SPIRE2: variants seen among roughly 807,000 people sequenced by gnomAD.
SPIRE2 encodes the protein spire type actin nucleation factor 2, also known as protein spire homolog 2.
Under a neutral mutation model 80.7 loss-of-function variants are expected in SPIRE2, and 76 were observed. The ratio of observed to expected loss-of-function variants is 0.94; its 90% confidence interval spans 0.78 to 1.14. SPIRE2 has a LOEUF of 1.14. Ranked by LOEUF, SPIRE2 falls within the 50% of genes most tolerant of loss-of-function variation. The pLI is 0.00. For synonymous variants in SPIRE2, 535 were observed against 432.6 expected (o/e 1.24, Z -2.94); for missense variants, 1,196 against 1,015.3 (o/e 1.18, Z -2.42).
intron 1 of SPIRE2, among the ~76,000 whole-genome samples, chr16:89,836,885 C>T (rs564393319): frequency 5.2e-4 from 79 of 151,624 alleles, no homozygotes; most frequent in Non-Finnish European, 8.4e-4. Flanking sequence ...ATCCCAGCTA[C>T]TGAGGAGGAT....
chr16:89,841,622 C>T (rs139182262), intron 1 of SPIRE2, among the ~76,000 whole-genome samples: 2 of 152,142 alleles, frequency 1.3e-5, no homozygotes, highest in East Asian at 3.9e-4. Flanking sequence ...GCCTGAGCCT[C>T]GATTTCCTCA....
At chr16:89,850,900 G>A (rs938126068) in intron 3 of SPIRE2, among the ~76,000 whole-genome samples, 7 of 151,938 alleles carry the variant, frequency 4.6e-5, no homozygotes, top group African/African-American at 7.3e-5. Flanking sequence ...GTAGTGGCTC[G>A]ATCTCGGCTC....
chr16:89,870,460 C>T lies in SPIRE2; in HGVS notation c.*188C>T, dbSNP rs979917935. On this transcript the variant is annotated 3_prime_UTR_variant, in exon 15 of 15. Transcript: ENST00000378247. ...TTGGGTTCAGGCGCACTTCAAAACCCTCCCTGGGGGAGGCTGTTTCTTCTC... is the reference window on the plus strand; with the variant it reads ...TTGGGTTCAGGCGCACTTCAAAACCTTCCCTGGGGGAGGCTGTTTCTTCTC... 5 of 536,190 alleles carry T rather than the reference C, an allele frequency of 9.3e-6. No individual in the cohort carries two copies. The highest frequency in any genetic ancestry group is 7.6e-5 in the African/African-American group (4 of 52,896). 33.2% of individuals were successfully genotyped at this position (536,190 alleles called of 1,614,324 possible).
At position 89,840,301 on chromosome 16, in the gene SPIRE2, G is replaced by A. The variant is rs535666925; in HGVS notation, c.245-5021G>A. Among the ~76,000 whole-genome samples, 140 of 148,574 alleles carry A rather than the reference G, an allele frequency of 9.4e-4. 1 individual carries two copies. The Middle Eastern group carries it at 0.01, about 11-fold the overall frequency. ...GTCTCGCTCTGTCGTCCAGGCTGGAGTGCAGTGGCGCGATCTCGGCTCACT... is the reference window on the plus strand; with the variant it reads ...GTCTCGCTCTGTCGTCCAGGCTGGAATGCAGTGGCGCGATCTCGGCTCACT... On this transcript the variant is annotated intron_variant, in intron 1 of 14. Transcript: ENST00000378247.
In SPIRE2 at chr16:89,865,968, A is replaced by G. The variant is rs866700386; in HGVS notation, c.1778+2107A>G. Among the ~76,000 whole-genome samples, 15 of 147,856 alleles carry G rather than the reference A, an allele frequency of 1.0e-4. No homozygotes were observed. The South Asian group carries it at 1.1e-3, about 10-fold the overall frequency. Reference sequence around the variant, plus strand: ...GGGCAACAGAGGGAGACTGTCTCAAAAAAAAAAAAAAAAAAAAAAGGTAAG... The same window carrying G: ...GGGCAACAGAGGGAGACTGTCTCAAGAAAAAAAAAAAAAAAAAAAGGTAAG... On this transcript the variant is annotated intron_variant, in intron 12 of 14. Transcript: ENST00000378247.
At chr16:89,869,704 T>C in intron 14 of SPIRE2, 22 bp downstream of exon 14, 2 of 1,574,464 alleles carry the variant, frequency 1.3e-6, no homozygotes, top group Non-Finnish European at 1.7e-6. Flanking sequence ...GCCTTGCTGC[T>C]GATGTCACTG....
At position 89,854,349 on chromosome 16, in the gene SPIRE2, C is replaced by G; in HGVS notation, c.709C>G (p.Leu237Val). Reference protein sequence around the residue: ...LETPRAELDSLGHTDWARLWV... With the variant: ...LETPRAELDSVGHTDWARLWV... ...GACGCCTCGGGCAGAGCTGGACAGC[C>G]TGGGTCACACAGACTGGGTAAGGCT... The change falls in exon 4 of 15, where the codon CTG becomes GTG. Residue 237 changes from leucine (L) to valine (V), a missense_variant. Transcript: ENST00000378247. The G allele has an allele frequency of 6.2e-7, 1 of 1,612,498 alleles. No individual in the cohort carries two copies. The highest frequency in any genetic ancestry group is 8.5e-7 in the Non-Finnish European group (1 of 1,179,846).
chr16:89,869,053 A>AAAAAAAAAATATATATATATATATATAT, intron 13 of SPIRE2, among the ~76,000 whole-genome samples: 1 of 24,030 alleles, frequency 4.2e-5, no homozygotes, highest in African/African-American at 1.6e-4. Flanking sequence ...AAAAAAAAAA[A>AAAAAAAAAATATATATATATATATATAT]ATATATATAT....
intron 9 of SPIRE2, 73 bp from the exon 10 acceptor site, chr16:89,860,610 C>A: frequency 9.5e-7 from 1 of 1,049,740 alleles, no homozygotes; most frequent in Non-Finnish European, 1.4e-6. Context: ...CCATCTCTAT[C>A]ATCCCCTGGG....
In SPIRE2 at chr16:89,850,594, CCGCG is replaced by C. The variant is rs985265254; in HGVS notation, c.583_586del (p.Ala195SerfsTer62). The C allele has an allele frequency of 6.6e-7, 1 of 1,519,510 alleles. No homozygotes were observed. Among genetic ancestry groups the C allele is most frequent in the Admixed American group, 2.1e-5 (1 of 48,316 alleles). 94.1% of individuals were successfully genotyped at this position (1,519,510 alleles called of 1,614,324 possible). On this transcript the variant is annotated frameshift_variant, in exon 3 of 15. Transcript: ENST00000378247. LOFTEE classifies it high-confidence loss of function. ...CACAGGCGCATTACCAGGCCGTGTG[CCGCG>C]CGCTCTTCGTGGAGACGCTGGAGCT... is the stretch of plus-strand genomic sequence containing the variant.
rs569039895 is a variant in SPIRE2, at chr16:89,829,721, C to A, written c.244+927C>A. ...GTCCTGCTCATCCTGGAGCCCCCCC[C>A]TCAGCTGCCTCCACACTCCTGCCAT... On this transcript the variant is annotated intron_variant, in intron 1 of 14. Coordinates refer to ENST00000378247, the MANE Select transcript of SPIRE2 (RefSeq NM_032451.2). 2.0e-5 allele frequency among the ~76,000 whole-genome samples: 3 copies of A among 151,706 alleles called. No individual in the cohort carries two copies. The South Asian group carries it at 6.2e-4, about 31-fold the overall frequency.
chr16:89,835,776 G>T (rs1223309909), intron 1 of SPIRE2, among the ~76,000 whole-genome samples: 2 of 152,214 alleles, frequency 1.3e-5, no homozygotes, highest in Non-Finnish European at 2.9e-5. Context: ...GAAGGGCCCA[G>T]CCTCGCCTGG....
chr16:89,854,830 C>T (rs1422585850), intron 5 of SPIRE2, among the ~76,000 whole-genome samples, 179 bp downstream of exon 5: 2 of 152,160 alleles, frequency 1.3e-5, no homozygotes, highest in Non-Finnish European at 1.5e-5. Context: ...TCCCAATTCC[C>T]ACAGCTTGAT....
At chr16:89,861,276 A>C (rs1363275961) in intron 10 of SPIRE2, among the ~76,000 whole-genome samples, 2 of 152,178 alleles carry the variant, frequency 1.3e-5, no homozygotes, top group Non-Finnish European at 2.9e-5. Flanking sequence ...TGCAGGATTT[A>C]ATCAACTGAG....
intron 1 of SPIRE2, among the ~76,000 whole-genome samples, chr16:89,843,725 A>T (rs1316771388): frequency 1.7e-3 from 1 of 590 alleles, no homozygotes; most frequent in Non-Finnish European, 2.9e-3. Flanking sequence ...TTTGAGACAG[A>T]GTCTCGCTTT....
chr16:89,843,669 TTTTTTTTTTTTGTTTGTTTTTGTTTTTTG>T (rs2041525123), intron 1 of SPIRE2, among the ~76,000 whole-genome samples: 1 of 23,646 alleles, frequency 4.2e-5, no homozygotes, highest in Non-Finnish European at 7.2e-5. Flanking sequence ...GCTGCCACGT[TTTTTTTTTTTTGTTTGTTTTTGTTTTTTG>T]TTTTTTTTTT....
At chr16:89,832,481 T>G (rs908044645) in intron 1 of SPIRE2, among the ~76,000 whole-genome samples, 17 of 152,142 alleles carry the variant, frequency 1.1e-4, no homozygotes, top group African/African-American at 2.9e-4. Context: ...AATATTTTCC[T>G]CCTCCTGAGT....
Position 89,828,895 on chromosome 16 carries a change from T to C in SPIRE2, c.244+101T>C. 1 of 973,872 alleles carries C rather than the reference T, an allele frequency of 1.0e-6. No homozygotes were observed. The highest frequency in any genetic ancestry group is 1.3e-6 in the Non-Finnish European group (1 of 777,412). The allele number at this position is 973,872 out of a possible 1,614,324, so 60.3% of individuals were successfully genotyped here. ...CCGGCGGAGAGGCTGCGACCGGTTC[T>C]GGAGCGGGAGATCCCCTTCTCTGCG... On this transcript the variant is annotated intron_variant, in intron 1 of 14. Coordinates refer to ENST00000378247, the MANE Select transcript of SPIRE2 (RefSeq NM_032451.2). The surrounding 1 kb of genome is among the most constrained non-coding windows in gnomAD (Gnocchi z 5.9).
chr16:89,844,278 C>T (rs2041535869), intron 1 of SPIRE2, among the ~76,000 whole-genome samples: 1 of 152,090 alleles, frequency 6.6e-6, no homozygotes, highest in Non-Finnish European at 1.5e-5. Flanking sequence ...AAGCGATTCT[C>T]ACGCCTCAGT....
Sources: allele counts gnomAD v4.1 joint callset (sites outside exome capture counted in the v4.1 genomes callset), GRCh38; gene constraint gnomAD v4.1.1; non-coding constraint Gnocchi (gnomAD v3.1); transcripts MANE v1.5; gene names NCBI Gene and HGNC (gene_info 2026-07-23, HGNC 2026-07-21).